Variants in SRGAP1 observed in about 807,000 individuals in gnomAD.
SRGAP1 encodes the protein SLIT-ROBO Rho GTPase-activating protein 1.
In SRGAP1, 43 loss-of-function variants were observed where a neutral mutation model predicts 121.9. That is an observed-to-expected ratio of 0.35 (90% CI 0.28 to 0.46). SRGAP1 has a LOEUF of 0.46. Ranked by LOEUF, SRGAP1 falls within the 20% of genes least tolerant of loss-of-function variation. The pLI is 1.00. For synonymous variants in SRGAP1, 447 were observed against 485.4 expected (o/e 0.92, Z 1.04); for missense variants, 1,102 against 1,350.9 (o/e 0.82, Z 2.89).
intron 2 of SRGAP1, among the ~76,000 whole-genome samples, chr12:63,987,451 G>A (rs1288979288): frequency 2.0e-5 from 3 of 152,018 alleles, no homozygotes; most frequent in African/African-American, 4.8e-5. Context: ...GGTCGGGTGC[G>A]GTGGCTCACA....
intron 1 of SRGAP1, among the ~76,000 whole-genome samples, chr12:63,965,998 T>G (rs558419360): frequency 2.0e-5 from 3 of 152,306 alleles, no homozygotes; most frequent in South Asian, 2.1e-4. Context: ...TTTTGTACTT[T>G]TAGTAGAGAC....
At chr12:64,030,359 A>T (rs2034747747) in intron 4 of SRGAP1, among the ~76,000 whole-genome samples, 1 of 152,212 alleles carries the variant, frequency 6.6e-6, no homozygotes, top group Non-Finnish European at 1.5e-5. Flanking sequence ...CAAAGACTTA[A>T]AGTAGAGCCT....
At chr12:63,854,688 T>C (rs749194717) in intron 1 of SRGAP1, among the ~76,000 whole-genome samples, 18 of 152,346 alleles carry the variant, frequency 1.2e-4, no homozygotes, top group Middle Eastern at 6.8e-3. Flanking sequence ...AACTATAATT[T>C]CACTGCCACA....
chr12:64,101,401 G>A (rs1333466513), intron 15 of SRGAP1, among the ~76,000 whole-genome samples: 1 of 149,298 alleles, frequency 6.7e-6, no homozygotes, highest in Non-Finnish European at 1.5e-5. Flanking sequence ...GAGTGACCAC[G>A]TTCTTTGGAA....
intron 1 of SRGAP1, among the ~76,000 whole-genome samples, chr12:63,957,441 T>C (rs1440677678): frequency 1.3e-5 from 2 of 152,064 alleles, no homozygotes; most frequent in African/African-American, 2.4e-5. Context: ...TGATGGGACA[T>C]CCACAAGTAT....
chr12:63,953,654 G>T (rs531206936), intron 1 of SRGAP1, among the ~76,000 whole-genome samples: 4 of 151,566 alleles, frequency 2.6e-5, no homozygotes, highest in Admixed American at 6.6e-5. Context: ...TGATCCTCCC[G>T]CCTCAGCCTC....
At chr12:63,933,631 A>G (rs1199518029) in intron 1 of SRGAP1, among the ~76,000 whole-genome samples, 5 of 152,240 alleles carry the variant, frequency 3.3e-5, no homozygotes, top group Non-Finnish European at 5.9e-5. Context: ...GTATCTTGCT[A>G]CATTTTGGGA....
At chr12:63,903,363 A>G (rs1459691027) in intron 1 of SRGAP1, among the ~76,000 whole-genome samples, 1 of 151,500 alleles carries the variant, frequency 6.6e-6, no homozygotes, top group Non-Finnish European at 1.5e-5. Context: ...GCGTGCGCTA[A>G]TTTACAATTT....
intron 6 of SRGAP1, among the ~76,000 whole-genome samples, chr12:64,044,622 A>G (rs150809303): frequency 6.8e-6 from 1 of 148,122 alleles, no homozygotes; most frequent in African/African-American, 2.5e-5. Flanking sequence ...TCTACAAAAG[A>G]ATTGTTGAGG....
At chr12:64,073,106 A>G (rs574974570) in intron 8 of SRGAP1, among the ~76,000 whole-genome samples, 4 of 152,174 alleles carry the variant, frequency 2.6e-5, no homozygotes, top group African/African-American at 9.6e-5. Flanking sequence ...TTCCCCCCTG[A>G]GACTTATTAA....
chr12:64,022,596 C>CATAAAATT (rs931703871), intron 4 of SRGAP1, among the ~76,000 whole-genome samples: 4 of 152,150 alleles, frequency 2.6e-5, no homozygotes, highest in African/African-American at 9.7e-5. Flanking sequence ...CAAGTTGACA[C>CATAAAATT]ATAAAATTAA....
intron 3 of SRGAP1, among the ~76,000 whole-genome samples, chr12:64,014,505 C>T (rs568553863): frequency 2.0e-5 from 3 of 152,234 alleles, no homozygotes; most frequent in African/African-American, 7.2e-5. Context: ...GGAAAAATAA[C>T]TAATGCATAT....
rs1294867093 is a variant in SRGAP1 at position 64,127,867 on chromosome 12, A to T, written c.2547A>T (p.Arg849=). The part of the protein sequence containing the change: ...RHPDGYLARQ[R]KRGEPPPPVR... ...TGTTTCTGTGAATGTCTAGGCAACG[A>T]AAAAGAGGAGAGCCACCCCCTCCAG... Residue 849 remains arginine (R), a synonymous_variant, in exon 21 of 22, where the codon CGA becomes CGT. Transcript: ENST00000355086. 1.9e-6 allele frequency: 3 copies of T among 1,609,052 alleles called. No individual in the cohort carries two copies. Among genetic ancestry groups the T allele is most frequent in the Non-Finnish European group, 1.7e-6 (2 of 1,176,908 alleles).
At chr12:64,014,346 T>A (rs1455076471) in intron 3 of SRGAP1, among the ~76,000 whole-genome samples, 1 of 152,224 alleles carries the variant, frequency 6.6e-6, no homozygotes, top group African/African-American at 2.4e-5. Flanking sequence ...CCACAGTCTG[T>A]CTGTGATGCC....
chr12:63,912,643 A>T (rs2030556347), intron 1 of SRGAP1, among the ~76,000 whole-genome samples: 1 of 152,044 alleles, frequency 6.6e-6, no homozygotes, highest in Non-Finnish European at 1.5e-5. Flanking sequence ...TCAGCACTGG[A>T]TAGAGTACAC....
intron 4 of SRGAP1, among the ~76,000 whole-genome samples, chr12:64,042,218 TTTTG>T (rs1219538990): frequency 2.0e-5 from 3 of 152,024 alleles, no homozygotes; most frequent in Admixed American, 6.6e-5. Flanking sequence ...TTTGTTTTGT[TTTTG>T]TTTGTTTGTT....
chr12:63,912,432 AC>A (rs1487270274), intron 1 of SRGAP1, among the ~76,000 whole-genome samples: 1 of 151,984 alleles, frequency 6.6e-6, no homozygotes, highest in African/African-American at 2.4e-5. Context: ...GCAAAGCGAG[AC>A]CCCCATCTCT....
intron 1 of SRGAP1, among the ~76,000 whole-genome samples, chr12:63,926,826 A>G (rs536106089): frequency 3.9e-5 from 6 of 152,208 alleles, no homozygotes; most frequent in East Asian, 1.9e-4. Flanking sequence ...CTCTTTGATC[A>G]ACACTTCCCA....
intron 3 of SRGAP1, among the ~76,000 whole-genome samples, chr12:64,008,904 A>AT (rs1400131682): frequency 3.3e-5 from 5 of 152,096 alleles, no homozygotes; most frequent in African/African-American, 1.2e-4. Flanking sequence ...TTCCTACACA[A>AT]TGTGGTCTAA....
Sources: allele counts gnomAD v4.1 joint callset (sites outside exome capture counted in the v4.1 genomes callset), GRCh38; gene constraint gnomAD v4.1.1; transcripts MANE v1.5; gene names NCBI Gene and HGNC (gene_info 2026-07-23, HGNC 2026-07-21).